Variants in MYBPC2 observed in about 807,000 individuals in gnomAD.
MYBPC2 encodes the protein myosin binding protein C2, also known as myosin-binding protein C, fast-type.
In MYBPC2, 122 loss-of-function variants were observed where a neutral mutation model predicts 137.0. That is an observed-to-expected ratio of 0.89 (90% CI 0.77 to 1.03). The LOEUF (loss-of-function observed/expected upper bound fraction) is 1.03. Among genes scored for constraint, MYBPC2 ranks in the 50% least tolerant of loss-of-function variants. The pLI, the probability that MYBPC2 is intolerant of heterozygous loss-of-function variation, is 0.00. For missense variants in MYBPC2, 1,500 were observed against 1,534.4 expected, an observed-to-expected ratio of 0.98 and a Z score of 0.37; for synonymous variants, 626 against 612.3, an observed-to-expected ratio of 1.02 and a Z score of -0.33.
Position 50,460,084 on chromosome 19 carries a change from GGC to G in MYBPC2, c.2837_2838del (p.Gly946AspfsTer13), listed in dbSNP as rs2039958010. 2 of 1,567,598 alleles carry G rather than the reference GGC, an allele frequency of 1.3e-6. No homozygotes were observed. The highest frequency in any genetic ancestry group is 1.7e-6 in the Non-Finnish European group (2 of 1,156,492). On this transcript the variant is annotated frameshift_variant, in exon 24 of 28. Transcript: ENST00000357701. LOFTEE classifies it high-confidence loss of function. Reference sequence around the variant, plus strand: ...AAACGTGATGGTGAAGGAGGTGTGGGGCACGAACGCGCTGGTGGAGTGGCAGG... The same window carrying G: ...AAACGTGATGGTGAAGGAGGTGTGGGACGAACGCGCTGGTGGAGTGGCAGG... ...PINVMVKEVW[G>X]TNALVEWQAP...
rs372450882 is a variant in MYBPC2 at position 50,454,123 on chromosome 19, T to C, written c.1853T>C (p.Ile618Thr). 6 of 1,613,344 alleles carry C rather than the reference T, an allele frequency of 3.7e-6. No individual in the cohort carries two copies. The highest frequency in any genetic ancestry group is 5.1e-6 in the Non-Finnish European group (6 of 1,179,674). The stretch of plus-strand genomic sequence containing the variant: ...CGGGAAGACGAGGGCCGCTACACCA[T>C]CAAGGTCACCAACCCCGTCGGCGAG... ...AQREDEGRYTIKVTNPVGEDV... is the reference protein window; with the variant it reads ...AQREDEGRYTTKVTNPVGEDV... Residue 618 changes from isoleucine to threonine, a missense_variant, in exon 17 of 28, where the codon ATC (isoleucine) becomes ACC (threonine). By Grantham distance (89) the Ile-to-Thr change is moderately conservative (BLOSUM62 -1). Transcript: ENST00000357701.
intron 12 of MYBPC2, among the ~76,000 whole-genome samples, chr19:50,447,146 C>T (rs529737015): frequency 9.2e-5 from 14 of 152,126 alleles, no homozygotes; most frequent in African/African-American, 2.9e-4. Context: ...CCCCAGTACC[C>T]GCCAGAGTGA....
rs541232218 is a variant in MYBPC2, at chr19:50,454,098, C to A, written c.1828C>A (p.Arg610=). The A allele has an allele frequency of 1.9e-6, 3 of 1,612,038 alleles. No individual in the cohort carries two copies. Among genetic ancestry groups the A allele is most frequent in the South Asian group, 2.2e-5 (2 of 90,656 alleles). The change falls in exon 17 of 28, where the codon CGG becomes AGG. Residue 610 remains arginine, a synonymous_variant. Coordinates refer to ENST00000357701, the MANE Select transcript of MYBPC2 (RefSeq NM_004533.4). ...CAGCTTTGTGATTGAGAGTGCGCAG[C>A]GGGAAGACGAGGGCCGCTACACCAT... ...CSSFVIESAQ[R]EDEGRYTIKV...
Position 50,454,095 on chromosome 19 carries a change from C to T in MYBPC2, c.1825C>T (p.Gln609Ter). ...DCSSFVIESA[Q>*]REDEGRYTIK... ...CAGCAGCTTTGTGATTGAGAGTGCG[C>T]AGCGGGAAGACGAGGGCCGCTACAC... is the stretch of plus-strand genomic sequence containing the variant. Residue 609 changes from glutamine to a stop codon, truncating the protein, a stop_gained, in exon 17 of 28, where the codon CAG becomes TAG. Transcript: ENST00000357701. LOFTEE classifies it high-confidence loss of function. 1 of 1,612,180 alleles carries T rather than the reference C, an allele frequency of 6.2e-7. No individual in the cohort carries two copies. The highest frequency in any genetic ancestry group is 1.3e-5 in the African/African-American group (1 of 74,950).
In MYBPC2 at chr19:50,458,571, G is replaced by A; in HGVS notation, c.2339-16G>A. The A allele has an allele frequency of 6.2e-7, 1 of 1,609,548 alleles. No individual in the cohort carries two copies. Among genetic ancestry groups the A allele is most frequent in the Non-Finnish European group, 8.5e-7 (1 of 1,179,612 alleles). ...GAGGAGGGCACGAGATCCGCCAGCA[G>A]GGCCTCTCTCTCCAGCCGAGGAATG... On this transcript the variant is annotated splice_polypyrimidine_tract_variant and intron_variant, in intron 20 of 27. Coordinates refer to ENST00000357701, the MANE Select transcript of MYBPC2 (RefSeq NM_004533.4).
intron 1 of MYBPC2, among the ~76,000 whole-genome samples, chr19:50,433,740 A>G (rs1405801393): frequency 6.7e-6 from 1 of 150,174 alleles, no homozygotes; most frequent in Non-Finnish European, 1.5e-5. Flanking sequence ...ACATCCGGGG[A>G]TGGCATCCTC....
Position 50,436,864 on chromosome 19 carries a change from G to A in MYBPC2, c.463+130G>A, listed in dbSNP as rs1179138471. ...GGCACAGGTTTTTGGAGGAGGGAGTGCAGATTCTGGGGTCAGAGTATTCAA... is the reference window on the plus strand; with the variant it reads ...GGCACAGGTTTTTGGAGGAGGGAGTACAGATTCTGGGGTCAGAGTATTCAA... On this transcript the variant is annotated intron_variant, in intron 5 of 27. Coordinates refer to ENST00000357701, the MANE Select transcript of MYBPC2 (RefSeq NM_004533.4). 3.9e-6 allele frequency: 3 copies of A among 764,334 alleles called. No individual in the cohort carries two copies. In the East Asian group the frequency reaches 8.0e-5, roughly 20 times the overall value. The allele number at this position is 764,334 out of a possible 1,614,324, so 47.3% of individuals were successfully genotyped here.
intron 20 of MYBPC2, among the ~76,000 whole-genome samples, chr19:50,457,997 C>T (rs2039929203): frequency 6.6e-6 from 1 of 151,468 alleles, no homozygotes; most frequent in East Asian, 2.0e-4. Flanking sequence ...GGGATGGTTT[C>T]CCATCCTTAA....
chr19:50,445,831 G>T (rs370199501), intron 11 of MYBPC2, 49 bp from the exon 12 acceptor site: 1 of 1,537,792 alleles, frequency 6.5e-7, no homozygotes, highest in East Asian at 2.4e-5. Context: ...GACCCAGACC[G>T]AGAGCTGTGC....
chr19:50,445,837 TG>T, intron 11 of MYBPC2, 42 bp from the exon 12 acceptor site: 1 of 1,554,040 alleles, frequency 6.4e-7, no homozygotes. Flanking sequence ...GACCGAGAGC[TG>T]TGCTGTCTCC....
chr19:50,460,690 AAT>A (rs1392983881), intron 24 of MYBPC2, among the ~76,000 whole-genome samples: 1 of 152,164 alleles, frequency 6.6e-6, no homozygotes, highest in Non-Finnish European at 1.5e-5. Context: ...TCCATGCAGA[AAT>A]CCTGTTTTTA....
At position 50,434,187 on chromosome 19, in the gene MYBPC2, G is replaced by A. The variant is rs184340023; in HGVS notation, c.20-974G>A. ...AGCCTGGCCAACATGGCAAAACCCC[G>A]TCACTACAAAAAATACTAAATTAGC... is the stretch of plus-strand genomic sequence containing the variant. On this transcript the variant is annotated intron_variant, in intron 1 of 27. Coordinates refer to ENST00000357701, the MANE Select transcript of MYBPC2 (RefSeq NM_004533.4). Among the ~76,000 whole-genome samples the A allele has an allele frequency of 2.1e-3, 325 of 152,164 alleles. 1 individual carries two copies. Among genetic ancestry groups the A allele is most frequent in the African/African-American group, 4.9e-3 (203 of 41,510 alleles).
chr19:50,455,461 C>A (rs1176551876), intron 19 of MYBPC2, 49 bp from the exon 20 acceptor site: 5 of 1,592,186 alleles, frequency 3.1e-6, no homozygotes, highest in Non-Finnish European at 4.3e-6. Flanking sequence ...TTCCTGCTGA[C>A]CCCTGACCCC....
rs934880398 is a variant in MYBPC2 at position 50,435,467 on chromosome 19, G to A, written c.109+217G>A. On this transcript the variant is annotated intron_variant, in intron 2 of 27. Coordinates refer to ENST00000357701, the MANE Select transcript of MYBPC2 (RefSeq NM_004533.4). The surrounding 1 kb of genome is among the most constrained non-coding windows in gnomAD (Gnocchi z 4.8). ...GGCTGGCATCGGCTCCGGTCAGCTGGCTGATTGATCACCAGGTCCGGCCCC... is the reference window on the plus strand; with the variant it reads ...GGCTGGCATCGGCTCCGGTCAGCTGACTGATTGATCACCAGGTCCGGCCCC... Among the ~76,000 whole-genome samples, 3 of 152,322 alleles carry A rather than the reference G, an allele frequency of 2.0e-5. No individual in the cohort carries two copies. The highest frequency in any genetic ancestry group is 7.2e-5 in the African/African-American group (3 of 41,570).
At chr19:50,456,971 G>A (rs376108733) in intron 20 of MYBPC2, among the ~76,000 whole-genome samples, 8 of 152,140 alleles carry the variant, frequency 5.3e-5, no homozygotes, top group African/African-American at 1.7e-4. Flanking sequence ...TGTCTCAGAC[G>A]CAGCCATCTC....
intron 25 of MYBPC2, 22 bp from the exon 26 acceptor site, chr19:50,461,878 C>T (rs377437482): frequency 6.9e-5 from 109 of 1,590,110 alleles, no homozygotes; most frequent in East Asian, 5.7e-4. Context: ...AGTCGCCTTA[C>T]GGGTGCATCC....
At chr19:50,449,771 G>A (rs536662882) in intron 13 of MYBPC2, among the ~76,000 whole-genome samples, 1 of 152,324 alleles carries the variant, frequency 6.6e-6, no homozygotes, top group Non-Finnish European at 1.5e-5. Context: ...AGAACATCGT[G>A]CCGTTCAGGG....
chr19:50,442,324 G>A lies in MYBPC2; in HGVS notation c.902+11G>A, dbSNP rs780573128. 7 of 1,607,224 alleles carry A rather than the reference G, an allele frequency of 4.4e-6. No homozygotes were observed. In the South Asian group the frequency reaches 6.7e-5, roughly 15 times the overall value. On this transcript the variant is annotated intron_variant, in intron 9 of 27. Transcript: ENST00000357701. ...CAAACCAAGCAGCAAGTATGTGTGG[G>A]GTGGGCAGTCCCTGCACCGGGGAGA...
chr19:50,444,547 T>G (rs2122589823), intron 11 of MYBPC2, among the ~76,000 whole-genome samples: 1 of 152,232 alleles, frequency 6.6e-6, no homozygotes, highest in South Asian at 2.1e-4. Flanking sequence ...TGTTGTGTGG[T>G]GTACTCTTCT....
Sources: gnomAD v4.1 joint callset for allele counts (sites outside exome capture counted in the v4.1 genomes callset) on GRCh38, gnomAD v4.1.1 for gene constraint, Gnocchi (gnomAD v3.1) non-coding constraint, MANE v1.5 for transcripts, NCBI Gene and HGNC (gene_info 2026-07-23, HGNC 2026-07-21) for gene names.